The following SNTG1 variants were observed in gnomAD, a reference collection of about 807,000 sequenced individuals.
The protein encoded by SNTG1 is gamma-1-syntrophin.
SNTG1 carries 39 observed loss-of-function variants against 74.7 expected under a neutral mutation model. The observed-to-expected ratio is 0.52, with a 90% CI of 0.40 to 0.68. The LOEUF (loss-of-function observed/expected upper bound fraction) is 0.68, where lower values mean the gene tolerates loss of function less well. Among genes scored for constraint, SNTG1 ranks in the 30% least tolerant of loss-of-function variants. The pLI, the probability that SNTG1 is intolerant of heterozygous loss-of-function variation, is 0.00. For synonymous variants in SNTG1, 254 were observed against 217.1 expected, an observed-to-expected ratio of 1.17 and a Z score of -1.49; for missense variants, 685 against 609.5, an observed-to-expected ratio of 1.12 and a Z score of -1.30.
intron 2 of SNTG1, among the ~76,000 whole-genome samples, chr8:50,311,473 A>G (rs1345554960): frequency 6.6e-6 from 1 of 152,192 alleles, no homozygotes; most frequent in Non-Finnish European, 1.5e-5. Context: ...TCTTAACAGG[A>G]TCCCTTGAGT....
intron 8 of SNTG1, among the ~76,000 whole-genome samples, chr8:50,462,749 T>A (rs1173360627): frequency 2.6e-5 from 4 of 151,612 alleles, no homozygotes; most frequent in Non-Finnish European, 1.5e-5. Flanking sequence ...TGTATTCATG[T>A]GTTTTCATGA....
intron 2 of SNTG1, among the ~76,000 whole-genome samples, chr8:50,302,324 G>A (rs556290203): frequency 5.9e-5 from 9 of 152,216 alleles, no homozygotes; most frequent in South Asian, 2.1e-4. Flanking sequence ...AACCAACAGC[G>A]TTGTTTCATC....
intron 1 of SNTG1, among the ~76,000 whole-genome samples, chr8:50,158,348 A>T (rs536638375): frequency 2.6e-5 from 4 of 152,278 alleles, no homozygotes; most frequent in Admixed American, 1.3e-4. Flanking sequence ...ACCCATGTGC[A>T]AAGTAGCTTC....
intron 9 of SNTG1, among the ~76,000 whole-genome samples, chr8:50,524,489 A>G (rs1242026961): frequency 6.6e-6 from 1 of 152,150 alleles, no homozygotes; most frequent in Non-Finnish European, 1.5e-5. Flanking sequence ...TTAAACTGAT[A>G]ACTCCATGTC....
intron 2 of SNTG1, among the ~76,000 whole-genome samples, chr8:50,273,653 C>T (rs752596803): frequency 4.6e-5 from 7 of 152,058 alleles, no homozygotes; most frequent in Non-Finnish European, 1.0e-4. Context: ...TCAGTGTAGG[C>T]CTCCTGGGGC....
intron 1 of SNTG1, among the ~76,000 whole-genome samples, chr8:50,077,449 T>A (rs571285966): frequency 6.6e-6 from 1 of 152,288 alleles, no homozygotes; most frequent in South Asian, 2.1e-4. Context: ...TAACACTGAA[T>A]TCAAATCAGT....
Position 50,449,732 on chromosome 8 carries a change from T to A in SNTG1, c.277+7T>A, listed in dbSNP as rs1407522057. 6.3e-7 allele frequency: 1 copy of A among 1,579,536 alleles called. No individual in the cohort carries two copies. Among genetic ancestry groups the A allele is most frequent in the East Asian group, 2.3e-5 (1 of 43,774 alleles). On this transcript the variant is annotated splice_region_variant and intron_variant, in intron 6 of 18. Transcript: ENST00000642720. ...ATCTCCAAGGAACAAAGAGGTAATA[T>A]GTTTAGAGAATTGTGTACCAGCCAT...
intron 13 of SNTG1, among the ~76,000 whole-genome samples, chr8:50,626,064 G>C (rs2094954273): frequency 6.6e-6 from 1 of 152,092 alleles, no homozygotes; most frequent in Non-Finnish European, 1.5e-5. Flanking sequence ...TTCAAACCCA[G>C]GTTTGCCTGG....
chr8:50,527,851 A>G (rs1387486300), intron 9 of SNTG1, among the ~76,000 whole-genome samples: 5 of 151,998 alleles, frequency 3.3e-5, no homozygotes, highest in Non-Finnish European at 7.4e-5. Flanking sequence ...TCAGCAATAT[A>G]TTAGTCTTTT....
intron 1 of SNTG1, among the ~76,000 whole-genome samples, chr8:49,926,046 A>G (rs1482162492): frequency 6.6e-6 from 1 of 152,174 alleles, no homozygotes; most frequent in African/African-American, 2.4e-5. Context: ...CCTAAGTTTT[A>G]AACTCTGGTT....
At chr8:50,246,713 C>A (rs908647537) in intron 2 of SNTG1, among the ~76,000 whole-genome samples, 2 of 152,058 alleles carry the variant, frequency 1.3e-5, no homozygotes, top group African/African-American at 4.8e-5. Flanking sequence ...CTTTGGGTAA[C>A]TTTCTCAAAT....
chr8:50,656,361 T>G (rs2131266074), intron 13 of SNTG1, among the ~76,000 whole-genome samples: 1 of 152,272 alleles, frequency 6.6e-6, no homozygotes, highest in South Asian at 2.1e-4. Context: ...GATATATGAA[T>G]ACACTAGCAT....
At chr8:50,444,464 A>G (rs948296892) in intron 5 of SNTG1, among the ~76,000 whole-genome samples, 8 of 152,186 alleles carry the variant, frequency 5.3e-5, no homozygotes, top group Admixed American at 4.6e-4. Flanking sequence ...ATAAAAGTAG[A>G]TAACAGGGAC....
At chr8:50,416,225 T>C (rs750529323) in intron 4 of SNTG1, among the ~76,000 whole-genome samples, 1 of 152,166 alleles carries the variant, frequency 6.6e-6, no homozygotes, top group Non-Finnish European at 1.5e-5. Context: ...CTGTGGTTTG[T>C]GGGATCATTT....
intron 2 of SNTG1, among the ~76,000 whole-genome samples, chr8:50,315,718 C>CG (rs2090289880): frequency 7.2e-6 from 1 of 138,136 alleles, no homozygotes; most frequent in African/African-American, 3.0e-5. Context: ...GCCTTCCTAA[C>CG]AATCTTTCAT....
chr8:50,384,917 G>A (rs1475852133), intron 2 of SNTG1, among the ~76,000 whole-genome samples: 1 of 152,092 alleles, frequency 6.6e-6, no homozygotes, highest in Admixed American at 6.5e-5. Flanking sequence ...CCCAGTTCAT[G>A]ATGAACATCT....
chr8:50,502,758 C>A lies in SNTG1; in HGVS notation c.364-20C>A, dbSNP rs777922089. ...TGATAAATGTAATGATGATTGTATT[C>A]TTTTTATTCTTTTTTTCAGGTTCAG... On this transcript the variant is annotated intron_variant, in intron 8 of 18. Coordinates refer to ENST00000642720, the MANE Select transcript of SNTG1 (RefSeq NM_018967.5). 1.3e-5 allele frequency: 21 copies of A among 1,581,130 alleles called. 1 individual carries two copies. The South Asian group carries it at 2.3e-4, about 18-fold the overall frequency.
At chr8:50,772,485 G>T (rs1421616102) in intron 18 of SNTG1, among the ~76,000 whole-genome samples, 2 of 152,062 alleles carry the variant, frequency 1.3e-5, no homozygotes, top group East Asian at 3.9e-4. Context: ...ACTTGCTCTT[G>T]ATTTCACAGA....
chr8:50,618,124 A>G (rs544868297), intron 13 of SNTG1, among the ~76,000 whole-genome samples: 1 of 152,338 alleles, frequency 6.6e-6, no homozygotes, highest in South Asian at 2.1e-4. Flanking sequence ...GCATTAAACT[A>G]CTTATAATTT....
Sources: allele counts gnomAD v4.1 joint callset (sites outside exome capture counted in the v4.1 genomes callset), GRCh38; gene constraint gnomAD v4.1.1; transcripts MANE v1.5; gene names NCBI Gene and HGNC (gene_info 2026-07-23, HGNC 2026-07-21).